The following ZCWPW1 variants were observed in gnomAD, a reference collection of about 807,000 sequenced individuals.
ZCWPW1 encodes zinc finger CW-type and PWWP domain containing 1, also known as zinc finger CW-type PWWP domain protein 1.
Under a neutral mutation model 81.3 loss-of-function variants are expected in ZCWPW1, and 56 were observed. That is an observed-to-expected ratio of 0.69 (90% CI 0.56 to 0.86). The LOEUF (loss-of-function observed/expected upper bound fraction) is 0.86, where lower values mean the gene tolerates loss of function less well. Ranked by LOEUF, ZCWPW1 falls within the 40% of genes least tolerant of loss-of-function variation. The pLI is 0.00. For synonymous variants in ZCWPW1, 250 were observed against 273.7 expected (o/e 0.91, Z 0.86); for missense variants, 650 against 769.8 (o/e 0.84, Z 1.84).
In ZCWPW1 at chr7:100,421,683, C is replaced by T. The variant is rs148332270; in HGVS notation, c.-29-1005G>A. ...GCAATCTACTCACAGATGTTCCACA[C>T]GACATCAATGTGTTTCTTTTTTTTT... On this transcript the variant is annotated intron_variant, in intron 2 of 17. Transcript: ENST00000684423. Among the ~76,000 whole-genome samples the T allele has an allele frequency of 1.1e-4, 16 of 152,090 alleles. No homozygotes were observed. In the East Asian group the frequency reaches 3.1e-3, roughly 29 times the overall value.
rs992229300 is a variant in ZCWPW1 at position 100,420,008 on chromosome 7, G to C, written c.29-125C>G. On this transcript the variant is annotated intron_variant, in intron 3 of 17. Transcript: ENST00000684423. ...GAGCTTTTAACAAATTCAGATTCCT[G>C]GGTCTCTCACTGCTTACTCCACTCC... is the stretch of plus-strand genomic sequence containing the variant. 1.9e-5 allele frequency: 15 copies of C among 790,154 alleles called. No homozygotes were observed. The East Asian group carries it at 3.6e-4, about 19-fold the overall frequency. The allele number at this position is 790,154 out of a possible 1,614,324, so 48.9% of individuals were successfully genotyped here.
rs1465591237 is a variant in ZCWPW1, at chr7:100,401,252, T to C, written c.1712A>G (p.Lys571Arg). 4 of 1,613,876 alleles carry C rather than the reference T, an allele frequency of 2.5e-6. No homozygotes were observed. The African/African-American group carries it at 4.0e-5, about 16-fold the overall frequency. ...CTTACACGCTGATAGGCCCAGGTTC[T>C]TTGGCACTGTTCTAACTTCTTTTCC... Reference protein sequence around the residue: ...SEGKEVRTVPKNLGLSACKGA... With the variant: ...SEGKEVRTVPRNLGLSACKGA... Residue 571 changes from lysine to arginine, a missense_variant, in exon 18 of 18, where the codon AAG (lysine) becomes AGG (arginine). Physicochemically the swap from Lys to Arg is conservative, Grantham distance 26 (BLOSUM62 2). Transcript: ENST00000684423.
chr7:100,415,947 G>C, intron 8 of ZCWPW1, 28 bp downstream of exon 8: 1 of 1,613,612 alleles, frequency 6.2e-7, no homozygotes, highest in East Asian at 2.2e-5. Context: ...TTCAGGCCAA[G>C]TAGGTTTGCC....
At chr7:100,426,492 C>CAAAA (rs1239534406) in intron 1 of ZCWPW1, among the ~76,000 whole-genome samples, 113 of 72,202 alleles carry the variant, frequency 1.6e-3, no homozygotes, top group African/African-American at 4.7e-3. Context: ...GACTCTGTCT[C>CAAAA]AAAAAAAAAA....
rs375752651 is a variant in ZCWPW1, at chr7:100,410,543, A to G, written c.755-999T>C. Among the ~76,000 whole-genome samples, 19 of 152,300 alleles carry G rather than the reference A, an allele frequency of 1.2e-4. No individual in the cohort carries two copies. In the South Asian group the frequency reaches 3.7e-3, roughly 30 times the overall value. Reference sequence around the variant, plus strand: ...TCATCTCCCTTGTAGAGATGCTGGTATCTGATTCAGTCTTCTCTCCACCTC... The same window carrying G: ...TCATCTCCCTTGTAGAGATGCTGGTGTCTGATTCAGTCTTCTCTCCACCTC... On this transcript the variant is annotated intron_variant, in intron 8 of 17. Transcript: ENST00000684423.
rs561994605 is a variant in ZCWPW1 at position 100,414,065 on chromosome 7, T to C, written c.754+1910A>G. Among the ~76,000 whole-genome samples the C allele has an allele frequency of 1.1e-4, 16 of 152,342 alleles. No individual in the cohort carries two copies. In the East Asian group the frequency reaches 3.1e-3, roughly 29 times the overall value. On this transcript the variant is annotated intron_variant, in intron 8 of 17. Coordinates refer to ENST00000684423, the MANE Select transcript of ZCWPW1 (RefSeq NM_001386010.1). ...AAAACCTTTTAGTTTCCTTTTTGACTCTACCTAGAAACTCCCTTCGGGTAG... is the reference window on the plus strand; with the variant it reads ...AAAACCTTTTAGTTTCCTTTTTGACCCTACCTAGAAACTCCCTTCGGGTAG...
At chr7:100,406,889 C>T in intron 11 of ZCWPW1, 91 bp from the exon 12 acceptor site, 2 of 1,203,200 alleles carry the variant, frequency 1.7e-6, no homozygotes, top group Non-Finnish European at 2.4e-6. Flanking sequence ...GGGAATTCAC[C>T]CAGAAGGAGG....
intron 2 of ZCWPW1, among the ~76,000 whole-genome samples, chr7:100,422,513 T>G (rs997569260): frequency 2.6e-5 from 4 of 152,246 alleles, no homozygotes; most frequent in African/African-American, 7.2e-5. Flanking sequence ...TCCAGTATTT[T>G]TATTTTCCAA....
intron 8 of ZCWPW1, among the ~76,000 whole-genome samples, chr7:100,411,413 T>C (rs573414409): frequency 1.2e-3 from 187 of 152,146 alleles, no homozygotes; most frequent in African/African-American, 4.2e-3. Flanking sequence ...ACTACAGGCA[T>C]GCACCACCAC....
chr7:100,415,891 G>A, intron 8 of ZCWPW1, 84 bp downstream of exon 8: 1 of 1,551,850 alleles, frequency 6.4e-7, no homozygotes, highest in South Asian at 1.2e-5. Flanking sequence ...TCTTTGCAGA[G>A]GTTCCTCTAA....
At chr7:100,410,403 T>A (rs935505322) in intron 8 of ZCWPW1, among the ~76,000 whole-genome samples, 4 of 152,264 alleles carry the variant, frequency 2.6e-5, no homozygotes, top group Middle Eastern at 3.4e-3. Context: ...ACACTCCCCA[T>A]GTCTCTTGGG....
Position 100,420,604 on chromosome 7 carries a change from C to T in ZCWPW1, c.28+18G>A, listed in dbSNP as rs1796171020. ...TGAGAGAAATGTATGAAGCGAACCT[C>T]CCTCACTCTTGACTCACCTTCTTTA... is the stretch of plus-strand genomic sequence containing the variant. On this transcript the variant is annotated intron_variant, in intron 3 of 17. Transcript: ENST00000684423. 1.2e-6 allele frequency: 2 copies of T among 1,613,926 alleles called. No homozygotes were observed. Among genetic ancestry groups the T allele is most frequent in the Admixed American group, 1.7e-5 (1 of 60,000 alleles).
In ZCWPW1 at chr7:100,405,700, C is replaced by CA. The variant is rs555116451; in HGVS notation, c.1174-608dup. 1.1e-3 allele frequency among the ~76,000 whole-genome samples: 169 copies of CA among 152,272 alleles called. 5 individuals are homozygous for CA. In the South Asian group the frequency reaches 0.034, roughly 31 times the overall value. On this transcript the variant is annotated intron_variant, in intron 12 of 17. Transcript: ENST00000684423. Reference sequence around the variant, plus strand: ...AGGCTGGAGTGCAGTGGTGCAATCTCAGCTCACTGCATCCTCCACCTCCCT... The same window carrying CA: ...AGGCTGGAGTGCAGTGGTGCAATCTCAAGCTCACTGCATCCTCCACCTCCCT...
chr7:100,402,268 C>T (rs1327930902), intron 16 of ZCWPW1: 7 of 818,710 alleles, frequency 8.6e-6, no homozygotes, highest in Admixed American at 1.7e-5. Flanking sequence ...TCAGAGTCTA[C>T]CTTCTCCAGA....
intron 1 of ZCWPW1, among the ~76,000 whole-genome samples, chr7:100,425,991 A>T (rs1484097632): frequency 6.6e-6 from 1 of 152,200 alleles, no homozygotes. Flanking sequence ...TAGTGAAATA[A>T]CTTGTCAGTA....
intron 7 of ZCWPW1, 42 bp from the exon 8 acceptor site, chr7:100,416,139 G>A (rs1198886161): frequency 6.2e-7 from 1 of 1,610,694 alleles, no homozygotes; most frequent in Non-Finnish European, 8.5e-7. Flanking sequence ...AGATGAAGAA[G>A]ACAATCTTTG....
chr7:100,422,596 A>G lies in ZCWPW1; in HGVS notation c.-29-1918T>C, dbSNP rs530078491. Among the ~76,000 whole-genome samples the G allele has an allele frequency of 2.0e-5, 3 of 152,240 alleles. No homozygotes were observed. In the East Asian group the frequency reaches 5.8e-4, roughly 29 times the overall value. On this transcript the variant is annotated intron_variant, in intron 2 of 17. Coordinates refer to ENST00000684423, the MANE Select transcript of ZCWPW1 (RefSeq NM_001386010.1). The stretch of plus-strand genomic sequence containing the variant: ...ATTTTTTCTTTCCAACCTTTATTTT[A>G]CATTCAAGGGGTACATGTGCAGGTT...
At chr7:100,409,353 A>T (rs1449381746) in intron 9 of ZCWPW1, 75 bp downstream of exon 9, 1 of 1,178,780 alleles carries the variant, frequency 8.5e-7, no homozygotes, top group Admixed American at 1.8e-5. Flanking sequence ...GTAGTATTTA[A>T]TCTAAAGGAT....
chr7:100,412,032 G>A (rs1794274676), intron 8 of ZCWPW1, among the ~76,000 whole-genome samples: 1 of 152,132 alleles, frequency 6.6e-6, no homozygotes, highest in Admixed American at 6.6e-5. Flanking sequence ...GTTCTGTGAT[G>A]TCTCATTCTC....
Sources: allele counts gnomAD v4.1 joint callset (sites outside exome capture counted in the v4.1 genomes callset), GRCh38; gene constraint gnomAD v4.1.1; transcripts MANE v1.5; gene names NCBI Gene and HGNC (gene_info 2026-07-23, HGNC 2026-07-21).